Variants in AGO2 observed in about 807,000 individuals in gnomAD.
AGO2 encodes argonaute RISC catalytic component 2.
In AGO2, 5 loss-of-function variants were observed where a neutral mutation model predicts 102.3. The observed-to-expected ratio is 0.05, with a 90% CI of 0.03 to 0.10. The LOEUF is 0.10. Ranked by LOEUF, AGO2 falls within the 10% of genes least tolerant of loss-of-function variation. The pLI is 1.00. For synonymous variants in AGO2, 449 were observed against 473.1 expected (o/e 0.95, Z 0.66); for missense variants, 541 against 1,183.7 (o/e 0.46, Z 7.97).
At chr8:140,568,432 G>A (rs1043242297) in intron 3 of AGO2, among the ~76,000 whole-genome samples, 3 of 152,198 alleles carry the variant, frequency 2.0e-5, no homozygotes. Flanking sequence ...GTCCACTGCT[G>A]CTGAGGAGGG....
intron 17 of AGO2, 157 bp downstream of exon 17, chr8:140,535,311 C>T (rs571783901): frequency 1.8e-5 from 13 of 726,826 alleles, no homozygotes; most frequent in South Asian, 1.2e-4. Context: ...CCCACCCCAG[C>T]GCCTGGCACA....
chr8:140,590,218 G>A (rs987794226), intron 1 of AGO2, among the ~76,000 whole-genome samples: 2 of 152,148 alleles, frequency 1.3e-5, no homozygotes, highest in Non-Finnish European at 2.9e-5. Flanking sequence ...CAGCTGATGC[G>A]TTCTACCCCC....
Position 140,528,976 on chromosome 8 carries a change from A to G in AGO2, c.*3068T>C, listed in dbSNP as rs1002229661. ...AATGTTTTTAAAAAGTGAACATGTA[A>G]AAACACACCAGGAAGAGTCCCAGTA... On this transcript the variant is annotated 3_prime_UTR_variant, in exon 19 of 19. Coordinates refer to ENST00000220592, the MANE Select transcript of AGO2 (RefSeq NM_012154.5). The surrounding 1 kb of genome is among the most constrained non-coding windows in gnomAD (Gnocchi z 4.5). 2.0e-5 allele frequency: 3 copies of G among 152,216 alleles called. No homozygotes were observed. The highest frequency in any genetic ancestry group is 4.4e-5 in the Non-Finnish European group (3 of 68,042). 9.4% of individuals were successfully genotyped at this position (152,216 alleles called of 1,614,324 possible).
At chr8:140,548,967 A>G (rs967758564) in intron 12 of AGO2, 147 bp downstream of exon 12, 2 of 988,866 alleles carry the variant, frequency 2.0e-6, no homozygotes, top group Non-Finnish European at 2.9e-6. Context: ...CAGTGATGAC[A>G]AGCCACCTCT....
intron 1 of AGO2, among the ~76,000 whole-genome samples, chr8:140,603,079 G>A (rs1434933132): frequency 6.6e-6 from 1 of 152,240 alleles, no homozygotes; most frequent in Admixed American, 6.5e-5. Context: ...AGGCAGGCCT[G>A]CTGCTGGCCC....
At chr8:140,581,037 C>T (rs568345400) in intron 2 of AGO2, among the ~76,000 whole-genome samples, 15 of 152,360 alleles carry the variant, frequency 9.8e-5, no homozygotes, top group African/African-American at 2.6e-4. Context: ...TGCCTAGTTT[C>T]GTAAAAGAAA....
At position 140,527,615 on chromosome 8, in the gene AGO2, G is replaced by A. The variant is rs2072527691; in HGVS notation, c.*4429C>T. 6.6e-6 allele frequency: 1 copy of A among 152,622 alleles called. No individual in the cohort carries two copies. The allele number at this position is 152,622 out of a possible 1,614,324, so 9.5% of individuals were successfully genotyped here. A position where few individuals can be genotyped will look rare whatever the true frequency, so the allele number is the denominator to read the frequency against. The stretch of plus-strand genomic sequence containing the variant: ...AGACTGCTGGCACGGCAGCTAGAGT[G>A]CAACTCCTCGGTCACTTTGGGGAAG... On this transcript the variant is annotated 3_prime_UTR_variant, in exon 19 of 19. Coordinates refer to ENST00000220592, the MANE Select transcript of AGO2 (RefSeq NM_012154.5). The surrounding 1 kb of genome is among the most constrained non-coding windows in gnomAD (Gnocchi z 6.0).
chr8:140,570,449 C>T lies in AGO2; in HGVS notation c.336+2363G>A, dbSNP rs200323522. ...TTAGTCATGTTGGCCAGGCTGGTCT[C>T]GTACTCCTGGCCTCAAGTGATCCGC... is the stretch of plus-strand genomic sequence containing the variant. On this transcript the variant is annotated intron_variant, in intron 3 of 18. Transcript: ENST00000220592. Among the ~76,000 whole-genome samples, 5 of 152,180 alleles carry T rather than the reference C, an allele frequency of 3.3e-5. No individual in the cohort carries two copies. In the East Asian group the frequency reaches 5.8e-4, roughly 18 times the overall value.
chr8:140,584,136 T>TA (rs11361657), intron 2 of AGO2, among the ~76,000 whole-genome samples: 4,596 of 116,916 alleles, frequency 0.039, 160 homozygotes, highest in African/African-American at 0.12. Flanking sequence ...AGAAACTCAG[T>TA]AAAAAAAAAA....
chr8:140,579,910 C>T (rs1344970390), intron 2 of AGO2, among the ~76,000 whole-genome samples: 1 of 152,238 alleles, frequency 6.6e-6, no homozygotes, highest in East Asian at 1.9e-4. Context: ...CCCTGCTCCA[C>T]AGGCACAGGG....
intron 10 of AGO2, among the ~76,000 whole-genome samples, chr8:140,552,740 GCA>G (rs58668484): frequency 0.14 from 18,122 of 130,538 alleles, 1,334 homozygotes; most frequent in Middle Eastern, 0.2. Context: ...GCGCGCGCGC[GCA>G]CACACACACA....
chr8:140,587,909 C>T (rs2073682943), intron 1 of AGO2, among the ~76,000 whole-genome samples: 1 of 152,198 alleles, frequency 6.6e-6, no homozygotes, highest in South Asian at 2.1e-4. Context: ...GGAGCAGGTC[C>T]TGGCTCCCAC....
intron 1 of AGO2, among the ~76,000 whole-genome samples, chr8:140,597,306 C>T (rs941150883): frequency 2.6e-5 from 4 of 152,360 alleles, no homozygotes; most frequent in East Asian, 3.9e-4. Context: ...CCAGAGCCTC[C>T]CAGCCTCTCC....
At chr8:140,595,837 TTGTATATATTATATTTATATTA>T (rs1564106863) in intron 1 of AGO2, among the ~76,000 whole-genome samples, 3 of 29,616 alleles carry the variant, frequency 1.0e-4, no homozygotes, top group Non-Finnish European at 1.8e-4. Flanking sequence ...TTATATACAA[TTGTATATATTATATTTATATTA>T]TATACAATTG....
intron 1 of AGO2, among the ~76,000 whole-genome samples, chr8:140,617,464 G>A (rs1382021591): frequency 1.3e-5 from 2 of 152,020 alleles, no homozygotes; most frequent in Non-Finnish European, 2.9e-5. Flanking sequence ...TGTTGGCCAG[G>A]CTGGTCTTGA....
intron 10 of AGO2, among the ~76,000 whole-genome samples, chr8:140,553,888 T>G (rs182535758): frequency 1.3e-5 from 2 of 150,472 alleles, no homozygotes; most frequent in African/African-American, 2.5e-5. Context: ...TTAGTAGAGA[T>G]AGGGTTTCGC....
intron 10 of AGO2, among the ~76,000 whole-genome samples, chr8:140,552,740 G>GCGCGCGCGCGCACACA (rs111262864): frequency 1.5e-5 from 2 of 130,884 alleles, no homozygotes; most frequent in African/African-American, 6.1e-5. Context: ...GCGCGCGCGC[G>GCGCGCGCGCGCACACA]CACACACACA....
chr8:140,554,268 A>G (rs1447751077), intron 10 of AGO2, among the ~76,000 whole-genome samples: 3 of 152,100 alleles, frequency 2.0e-5, no homozygotes, highest in East Asian at 3.9e-4. Context: ...GTGTTTATAC[A>G]GCATCTGGGG....
chr8:140,560,238 AG>A, intron 5 of AGO2, 135 bp downstream of exon 5: 1 of 1,319,540 alleles, frequency 7.6e-7, no homozygotes, highest in East Asian at 2.4e-5. Flanking sequence ...GAGACCAGCC[AG>A]GTGTCACGCA....
Sources: allele counts gnomAD v4.1 joint callset (sites outside exome capture counted in the v4.1 genomes callset), GRCh38; gene constraint gnomAD v4.1.1; non-coding constraint Gnocchi (gnomAD v3.1); transcripts MANE v1.5; gene names NCBI Gene and HGNC (gene_info 2026-07-23, HGNC 2026-07-21).